Variants in PPP2R3A observed in about 807,000 individuals in gnomAD.
PPP2R3A encodes the protein serine/threonine-protein phosphatase 2A regulatory subunit B'' subunit alpha.
PPP2R3A carries 80 observed loss-of-function variants against 106.9 expected under a neutral mutation model. The ratio of observed to expected loss-of-function variants is 0.75; its 90% CI spans 0.62 to 0.90. The LOEUF (loss-of-function observed/expected upper bound fraction) is 0.90. Among genes scored for constraint, PPP2R3A ranks in the 40% least tolerant of loss-of-function variants. The pLI, the probability that PPP2R3A is intolerant of heterozygous loss-of-function variation, is 0.00. For synonymous variants in PPP2R3A, 483 were observed against 468.3 expected, an observed-to-expected ratio of 1.03 and a Z score of -0.41; for missense variants, 1,386 against 1,350.4, an observed-to-expected ratio of 1.03 and a Z score of -0.41.
intron 10 of PPP2R3A, among the ~76,000 whole-genome samples, chr3:136,095,287 G>A (rs1937190533): frequency 1.3e-5 from 2 of 152,108 alleles, no homozygotes; most frequent in Non-Finnish European, 2.9e-5. Context: ...TACCAACAAA[G>A]GTTTTTTGAG....
chr3:136,087,879 T>C lies in PPP2R3A; in HGVS notation c.2789-4T>C. 6.2e-7 allele frequency: 1 copy of C among 1,607,952 alleles called. No homozygotes were observed. Among genetic ancestry groups the C allele is most frequent in the Non-Finnish European group, 8.5e-7 (1 of 1,175,792 alleles). On this transcript the variant is annotated splice_region_variant and splice_polypyrimidine_tract_variant and intron_variant, in intron 8 of 13. Coordinates refer to ENST00000264977, the MANE Select transcript of PPP2R3A (RefSeq NM_002718.5). ...TTTGCAATTTTTTTTTTATCTACAT[T>C]TAGCTTCATCAAGCAGGATTATTGA...
At chr3:136,012,732 A>G (rs1420238991) in intron 2 of PPP2R3A, among the ~76,000 whole-genome samples, 2 of 152,194 alleles carry the variant, frequency 1.3e-5, no homozygotes, top group East Asian at 1.9e-4. Flanking sequence ...CATAAGGCCT[A>G]TTTACAGGGA....
intron 3 of PPP2R3A, among the ~76,000 whole-genome samples, chr3:136,037,646 G>A (rs559464425): frequency 6.6e-6 from 1 of 152,166 alleles, no homozygotes; most frequent in Non-Finnish European, 1.5e-5. Flanking sequence ...CCTCATCTAT[G>A]TGAGGATCAC....
intron 1 of PPP2R3A, among the ~76,000 whole-genome samples, chr3:135,999,159 A>G (rs1156421346): frequency 1.3e-5 from 2 of 152,226 alleles, no homozygotes; most frequent in Non-Finnish European, 2.9e-5. Context: ...AGTGAATTAG[A>G]GCAATAACAG....
chr3:136,134,707 A>T (rs766390144), intron 13 of PPP2R3A, among the ~76,000 whole-genome samples: 1 of 152,212 alleles, frequency 6.6e-6, no homozygotes, highest in Non-Finnish European at 1.5e-5. Flanking sequence ...ATAAAGGTTC[A>T]TGTAATGAGC....
chr3:136,074,165 CAT>C (rs1009982041), intron 6 of PPP2R3A, among the ~76,000 whole-genome samples: 1 of 152,206 alleles, frequency 6.6e-6, no homozygotes. Context: ...AAACCACTGA[CAT>C]AGAGTGTGAT....
At chr3:136,140,959 T>A (rs900671239) in intron 13 of PPP2R3A, among the ~76,000 whole-genome samples, 5 of 152,204 alleles carry the variant, frequency 3.3e-5, no homozygotes, top group Admixed American at 3.3e-4. Context: ...TCTTACCATT[T>A]TACTGACTCC....
chr3:136,011,112 C>T lies in PPP2R3A; in HGVS notation c.1995+7619C>T, dbSNP rs150950153. Reference sequence around the variant, plus strand: ...CCCCACCCCATACCTGCAGGACTCACTCCATCACCACATCCGTCTTTGTAA... The same window carrying T: ...CCCCACCCCATACCTGCAGGACTCATTCCATCACCACATCCGTCTTTGTAA... On this transcript the variant is annotated intron_variant, in intron 2 of 13. Transcript: ENST00000264977. Among the ~76,000 whole-genome samples, 239 of 152,278 alleles carry T rather than the reference C, an allele frequency of 1.6e-3. 1 individual carries two copies. The highest frequency in any genetic ancestry group is 4.8e-3 in the African/African-American group (198 of 41,560).
intron 6 of PPP2R3A, among the ~76,000 whole-genome samples, chr3:136,077,637 G>A (rs928742566): frequency 5.3e-5 from 8 of 152,056 alleles, no homozygotes; most frequent in African/African-American, 1.9e-4. Context: ...AGAATGCACT[G>A]TGACCTCCTA....
rs1347728267 is a variant in PPP2R3A at position 136,002,938 on chromosome 3, A to G, written c.1440A>G (p.Leu480=). The change falls in exon 2 of 14, where the codon CTA becomes CTG. Residue 480 remains leucine, a synonymous_variant. Coordinates refer to ENST00000264977, the MANE Select transcript of PPP2R3A (RefSeq NM_002718.5). ...TATTTGAGAAATCATTTGTTAATCT[A>G]CCTAAGGAAGACTGTAAATCAAAAG... The part of the protein sequence containing the change: ...GKIFEKSFVN[L]PKEDCKSKVS... 5 of 1,612,808 alleles carry G rather than the reference A, an allele frequency of 3.1e-6. No individual in the cohort carries two copies. Among genetic ancestry groups the G allele is most frequent in the Non-Finnish European group, 4.2e-6 (5 of 1,179,618 alleles).
rs183452006 is a variant in PPP2R3A at position 136,069,398 on chromosome 3, G to A, written c.2470-1080G>A. ...TCAAGACCAGCCTGGCCAGCATGGT[G>A]AAACCTTGTCTCTACTAAAAATACA... is the stretch of plus-strand genomic sequence containing the variant. On this transcript the variant is annotated intron_variant, in intron 5 of 13. Coordinates refer to ENST00000264977, the MANE Select transcript of PPP2R3A (RefSeq NM_002718.5). Among the ~76,000 whole-genome samples, 10 of 152,232 alleles carry A rather than the reference G, an allele frequency of 6.6e-5. No individual in the cohort carries two copies. In the East Asian group the frequency reaches 1.9e-3, roughly 29 times the overall value.
chr3:136,054,250 A>G (rs2107872001), intron 5 of PPP2R3A, among the ~76,000 whole-genome samples: 1 of 143,770 alleles, frequency 7.0e-6, no homozygotes, highest in South Asian at 2.2e-4. Flanking sequence ...ATACTTCACA[A>G]TTCTTTTTTT....
intron 4 of PPP2R3A, among the ~76,000 whole-genome samples, chr3:136,044,924 G>T (rs994745987): frequency 1.3e-4 from 20 of 152,208 alleles, no homozygotes; most frequent in African/African-American, 4.8e-4. Flanking sequence ...TGCTTGGAGA[G>T]CTGGCAGAGA....
intron 8 of PPP2R3A, among the ~76,000 whole-genome samples, chr3:136,085,048 G>A (rs756935457): frequency 1.3e-5 from 2 of 152,156 alleles, no homozygotes; most frequent in African/African-American, 4.8e-5. Context: ...GGACTGTTGC[G>A]AAGGCATGAT....
rs1933637633 is a variant in PPP2R3A, at chr3:136,001,886, G to A, written c.388G>A (p.Glu130Lys). The change falls in exon 2 of 14, where the codon GAA becomes AAA. Residue 130 changes from glutamate (E) to lysine (K), a missense_variant. Glu to Lys is a moderately conservative substitution (Grantham distance 56). Transcript: ENST00000264977. ...ASGKIKEFSF[E>K]KLKNSNHAAY... ...TGGGAAAATAAAAGAATTTTCCTTT[G>A]AAAAACTCAAAAACTCTAACCATGC... The A allele has an allele frequency of 3.7e-6, 6 of 1,613,888 alleles. No individual in the cohort carries two copies. The highest frequency in any genetic ancestry group is 2.5e-6 in the Non-Finnish European group (3 of 1,179,986).
chr3:136,138,116 T>C (rs545440004), intron 13 of PPP2R3A, among the ~76,000 whole-genome samples: 24 of 152,324 alleles, frequency 1.6e-4, no homozygotes, highest in African/African-American at 5.1e-4. Context: ...ATTACAGATA[T>C]ATGAGTTTAG....
At chr3:136,115,236 TCCAAAGGTCA>T (rs1271754282) in intron 13 of PPP2R3A, among the ~76,000 whole-genome samples, 1 of 152,094 alleles carries the variant, frequency 6.6e-6, no homozygotes, top group East Asian at 1.9e-4. Flanking sequence ...AGAGACCCCA[TCCAAAGGTCA>T]CCAACACCAA....
chr3:136,088,806 CTTG>C (rs1272263992), intron 9 of PPP2R3A, among the ~76,000 whole-genome samples: 1 of 152,070 alleles, frequency 6.6e-6, no homozygotes. Context: ...GAGATGGTAT[CTTG>C]TTGTGGTTTT....
Position 136,069,997 on chromosome 3 carries a change from T to C in PPP2R3A, c.2470-481T>C, listed in dbSNP as rs534082912. Among the ~76,000 whole-genome samples, 148 of 152,218 alleles carry C rather than the reference T, an allele frequency of 9.7e-4. 1 individual carries two copies. Among genetic ancestry groups the C allele is most frequent in the Admixed American group, 2.6e-3 (40 of 15,282 alleles). On this transcript the variant is annotated intron_variant, in intron 5 of 13. Transcript: ENST00000264977. ...ATGGGCATTAACTGGCTTGCACAGCTTAACAAAGATTCAAACTACTTGACT... is the reference window on the plus strand; with the variant it reads ...ATGGGCATTAACTGGCTTGCACAGCCTAACAAAGATTCAAACTACTTGACT...
Sources: gnomAD v4.1 joint callset for allele counts (sites outside exome capture counted in the v4.1 genomes callset) on GRCh38, gnomAD v4.1.1 for gene constraint, MANE v1.5 for transcripts, NCBI Gene and HGNC (gene_info 2026-07-23, HGNC 2026-07-21) for gene names.